AUH: variants seen among roughly 807,000 people sequenced by gnomAD.
The protein encoded by AUH is methylglutaconyl-CoA hydratase, mitochondrial.
A neutral mutation model predicts 42.3 loss-of-function variants in AUH; 29 were observed. That is an observed-to-expected ratio of 0.69 (90% CI 0.51 to 0.93). The LOEUF (loss-of-function observed/expected upper bound fraction) is 0.93. AUH is among the 40% of genes least tolerant of loss of function. The pLI is 0.00. For missense variants in AUH, 452 were observed against 438.1 expected (o/e 1.03, Z -0.28); for synonymous variants, 174 against 166.4 (o/e 1.05, Z -0.35).
chr9:91,266,449 T>G (rs891854794), intron 6 of AUH, among the ~76,000 whole-genome samples: 1 of 152,064 alleles, frequency 6.6e-6, no homozygotes, highest in African/African-American at 2.4e-5. Flanking sequence ...AAGACCACAA[T>G]GAAAGGTCAT....
At chr9:91,352,777 G>A (rs118178872) in intron 3 of AUH, among the ~76,000 whole-genome samples, 44 of 152,238 alleles carry the variant, frequency 2.9e-4, no homozygotes, top group African/African-American at 1.0e-3. Context: ...AAAAATCAGT[G>A]AATTAAAGCA....
chr9:91,299,157 T>G (rs1827586755), intron 4 of AUH, among the ~76,000 whole-genome samples: 1 of 152,130 alleles, frequency 6.6e-6, no homozygotes, highest in African/African-American at 2.4e-5. Context: ...AGGCAGAGAT[T>G]GCAGTGAGCC....
intron 6 of AUH, among the ~76,000 whole-genome samples, chr9:91,291,435 T>C (rs939773432): frequency 6.6e-6 from 1 of 152,248 alleles, no homozygotes; most frequent in Non-Finnish European, 1.5e-5. Flanking sequence ...CAGAAATATG[T>C]CACATCACCC....
chr9:91,285,471 C>A (rs1002547605), intron 6 of AUH, among the ~76,000 whole-genome samples: 2 of 151,620 alleles, frequency 1.3e-5, no homozygotes, highest in African/African-American at 4.8e-5. Flanking sequence ...AAAAAAAAAT[C>A]TTGGTGATGG....
chr9:91,254,329 G>A (rs1215675630), intron 6 of AUH, among the ~76,000 whole-genome samples: 1 of 152,178 alleles, frequency 6.6e-6, no homozygotes, highest in African/African-American at 2.4e-5. Flanking sequence ...GAACAAGAAG[G>A]CCTCTCCCAA....
chr9:91,236,550 G>A (rs1411476448), intron 6 of AUH, among the ~76,000 whole-genome samples: 1 of 152,166 alleles, frequency 6.6e-6, no homozygotes. Context: ...AGAGTGAGTG[G>A]CCCCAGACCT....
At chr9:91,217,749 A>G (rs905842018) in intron 7 of AUH, among the ~76,000 whole-genome samples, 6 of 152,138 alleles carry the variant, frequency 3.9e-5, no homozygotes, top group Non-Finnish European at 7.4e-5. Flanking sequence ...TAGGGTTCTG[A>G]TATCATCTCC....
intron 6 of AUH, among the ~76,000 whole-genome samples, chr9:91,249,292 C>CAAAAAAAAAA (rs59102669): frequency 9.2e-5 from 3 of 32,532 alleles, no homozygotes; most frequent in Non-Finnish European, 1.2e-4. Flanking sequence ...GAACCTGTCT[C>CAAAAAAAAAA]AAAAAAAAAA....
rs1470673722 is a variant in AUH at position 91,263,213 on chromosome 9, CCA to C, written c.655+32806_655+32807del. On this transcript the variant is annotated intron_variant, in intron 6 of 9. Coordinates refer to ENST00000375731, the MANE Select transcript of AUH (RefSeq NM_001698.3). ...CTGAAGCCCCATCCTCACTTCTATACCATGGTTTACCACAGGATATGATTTGT... is the reference window on the plus strand; with the variant it reads ...CTGAAGCCCCATCCTCACTTCTATACTGGTTTACCACAGGATATGATTTGT... 2.6e-5 allele frequency among the ~76,000 whole-genome samples: 4 copies of C among 152,318 alleles called. No individual in the cohort carries two copies. In the East Asian group the frequency reaches 7.7e-4, roughly 29 times the overall value.
intron 8 of AUH, among the ~76,000 whole-genome samples, chr9:91,216,415 A>G (rs1003997236): frequency 1.3e-5 from 2 of 150,664 alleles, no homozygotes; most frequent in African/African-American, 4.9e-5. Flanking sequence ...AAATGAGTTA[A>G]TCTAGGTGAG....
intron 4 of AUH, among the ~76,000 whole-genome samples, chr9:91,302,235 A>G (rs1224479063): frequency 6.6e-6 from 1 of 151,898 alleles, no homozygotes; most frequent in Non-Finnish European, 1.5e-5. Flanking sequence ...TGGGAGTCCA[A>G]GGCAGGTGGA....
At chr9:91,265,853 A>C (rs914285409) in intron 6 of AUH, among the ~76,000 whole-genome samples, 7 of 152,184 alleles carry the variant, frequency 4.6e-5, no homozygotes, top group Admixed American at 4.6e-4. Flanking sequence ...TCATCTGTAA[A>C]ATCAATCCCC....
intron 7 of AUH, among the ~76,000 whole-genome samples, chr9:91,218,223 C>A (rs2078066009): frequency 6.6e-6 from 1 of 152,092 alleles, no homozygotes. Flanking sequence ...TAAATTTGAC[C>A]TATCTAAATT....
At chr9:91,357,813 G>A (rs10991901) in intron 1 of AUH, among the ~76,000 whole-genome samples, 10,713 of 152,224 alleles carry the variant, frequency 0.07, 667 homozygotes, top group East Asian at 0.26. Flanking sequence ...AACCTACGAG[G>A]GGGAGAAGAG....
chr9:91,266,846 A>G (rs1430371504), intron 6 of AUH, among the ~76,000 whole-genome samples: 4 of 152,216 alleles, frequency 2.6e-5, no homozygotes, highest in Non-Finnish European at 5.9e-5. Context: ...GTATAGTTGA[A>G]CATAAACATA....
At chr9:91,227,801 T>C (rs867928371) in intron 6 of AUH, among the ~76,000 whole-genome samples, 11 of 152,336 alleles carry the variant, frequency 7.2e-5, no homozygotes, top group Middle Eastern at 3.4e-3. Context: ...TCTGCATCTA[T>C]TGAGATAATC....
intron 4 of AUH, 69 bp from the exon 5 acceptor site, chr9:91,298,145 T>A: frequency 1.6e-6 from 2 of 1,276,332 alleles, no homozygotes; most frequent in Non-Finnish European, 2.3e-6. Flanking sequence ...TCATTTTTAA[T>A]TTTTTTCTGT....
Position 91,216,162 on chromosome 9 carries a change from A to G in AUH, c.895-56T>C, listed in dbSNP as rs192322115. 7.4e-5 allele frequency: 111 copies of G among 1,507,646 alleles called. No homozygotes were observed. In the Admixed American group the frequency reaches 1.4e-3, roughly 19 times the overall value. 93.4% of individuals were successfully genotyped at this position (1,507,646 alleles called of 1,614,324 possible). ...GAAATAACTTTGCGAAATGTGGTAT[A>G]TTCAACAGAAATTCAAATTGAATAA... On this transcript the variant is annotated intron_variant, in intron 8 of 9. Coordinates refer to ENST00000375731, the MANE Select transcript of AUH (RefSeq NM_001698.3).
rs113753133 is a variant in AUH at position 91,221,508 on chromosome 9, C to G, written c.656-516G>C. On this transcript the variant is annotated intron_variant, in intron 6 of 9. Transcript: ENST00000375731. ...AAAACCAGACAATGACTCATGAAAA[C>G]AGGCTTTGTCCTGGTGGTATTTTCT... Among the ~76,000 whole-genome samples the G allele has an allele frequency of 4.7e-3, 718 of 152,304 alleles. 8 individuals are homozygous for G. Among genetic ancestry groups the G allele is most frequent in the African/African-American group, 0.016 (659 of 41,574 alleles).
Sources: allele counts gnomAD v4.1 joint callset (sites outside exome capture counted in the v4.1 genomes callset), GRCh38; gene constraint gnomAD v4.1.1; transcripts MANE v1.5; gene names NCBI Gene and HGNC (gene_info 2026-07-23, HGNC 2026-07-21).